PBX3: variants seen among roughly 807,000 people sequenced by gnomAD.
PBX3 encodes PBX homeobox 3.
Under a neutral mutation model 48.5 loss-of-function variants are expected in PBX3, and 14 were observed. That is an observed-to-expected ratio of 0.29 (90% CI 0.19 to 0.45). The LOEUF (loss-of-function observed/expected upper bound fraction) is 0.45. Among genes scored for constraint, PBX3 ranks in the 20% least tolerant of loss-of-function variants. PBX3 has a pLI of 1.00. For missense variants in PBX3, 386 were observed against 546.7 expected (o/e 0.71, Z 2.93); for synonymous variants, 210 against 200.3 (o/e 1.05, Z -0.41).
intron 2 of PBX3, among the ~76,000 whole-genome samples, chr9:125,780,702 C>T (rs1837256942): frequency 8.4e-6 from 1 of 119,602 alleles, no homozygotes; most frequent in African/African-American, 3.3e-5. Context: ...TGACCACCCC[C>T]ACCTCCCTCC....
At chr9:125,747,901 C>T (rs1474992425) in intron 1 of PBX3, among the ~76,000 whole-genome samples, 23 of 151,792 alleles carry the variant, frequency 1.5e-4, no homozygotes, top group Non-Finnish European at 4.4e-5. Flanking sequence ...GGCGTCCTTT[C>T]CCCCGTCCTG....
rs372226178 is a variant in PBX3 at position 125,960,609 on chromosome 9, G to C, written c.844-75G>C. 35 of 1,349,316 alleles carry C rather than the reference G, an allele frequency of 2.6e-5. No homozygotes were observed. The African/African-American group carries it at 4.1e-4, about 16-fold the overall frequency. 83.6% of individuals were successfully genotyped at this position (1,349,316 alleles called of 1,614,324 possible). A position where few individuals can be genotyped will look rare whatever the true frequency, so the allele number is the denominator to read the frequency against. ...GTGTCTCCCAAGGTATTGCCTTGGT[G>C]TCCAGCAGGTATTATTGGAATTTGA... On this transcript the variant is annotated intron_variant, in intron 5 of 8. Coordinates refer to ENST00000373489, the MANE Select transcript of PBX3 (RefSeq NM_006195.6).
In PBX3 at chr9:125,792,038, ACACACACGCACG is replaced by A. The variant is rs1477363397; in HGVS notation, c.274+43419_274+43430del. Among the ~76,000 whole-genome samples the A allele has an allele frequency of 8.5e-3, 989 of 116,508 alleles. 10 individuals are homozygous for A. Among genetic ancestry groups the A allele is most frequent in the African/African-American group, 0.035 (913 of 26,410 alleles). 76.4% of individuals were successfully genotyped at this position (116,508 alleles called of 152,430 possible). On this transcript the variant is annotated intron_variant, in intron 2 of 8. Transcript: ENST00000373489. The stretch of plus-strand genomic sequence containing the variant: ...GTGAGAGAATGGATTAATACTACAC[ACACACACGCACG>A]CACGCACGCACGCACGCACGCACGC...
chr9:125,816,521 A>C (rs1588176519), intron 2 of PBX3, among the ~76,000 whole-genome samples: 1 of 152,190 alleles, frequency 6.6e-6, no homozygotes, highest in East Asian at 1.9e-4. Flanking sequence ...CCTTTGATTT[A>C]GGTGGAATGT....
intron 2 of PBX3, among the ~76,000 whole-genome samples, chr9:125,848,254 C>T (rs1839480723): frequency 2.0e-5 from 3 of 152,006 alleles, no homozygotes; most frequent in Admixed American, 1.3e-4. Context: ...CATCTCTCAC[C>T]TAAAATCACC....
chr9:125,839,038 AT>A lies in PBX3; in HGVS notation c.275-76646del, dbSNP rs1839215930. Among the ~76,000 whole-genome samples, 4 of 152,306 alleles carry A rather than the reference AT, an allele frequency of 2.6e-5. No individual in the cohort carries two copies. The South Asian group carries it at 8.3e-4, about 32-fold the overall frequency. On this transcript the variant is annotated intron_variant, in intron 2 of 8. Transcript: ENST00000373489. ...GGTTCAGAATATGGGATTTGGAGTC[AT>A]TCAGACCTGGATTTGGGCTTCAGTT...
At chr9:125,766,185 T>C (rs916386378) in intron 2 of PBX3, among the ~76,000 whole-genome samples, 1 of 152,108 alleles carries the variant, frequency 6.6e-6, no homozygotes, top group African/African-American at 2.4e-5. Context: ...CATGTATTAT[T>C]AGATATATAT....
chr9:125,840,398 G>T (rs917779567), intron 2 of PBX3, among the ~76,000 whole-genome samples: 3 of 151,734 alleles, frequency 2.0e-5, no homozygotes, highest in Middle Eastern at 3.4e-3. Flanking sequence ...TTTCTTATGG[G>T]CAGTGTGTCA....
intron 2 of PBX3, among the ~76,000 whole-genome samples, chr9:125,828,543 GA>G (rs957383016): frequency 4.6e-5 from 7 of 152,084 alleles, no homozygotes; most frequent in African/African-American, 1.7e-4. Flanking sequence ...TGCAAGATTA[GA>G]AAAACATTTG....
chr9:125,925,641 C>T (rs1165892932), intron 3 of PBX3, among the ~76,000 whole-genome samples: 17 of 152,060 alleles, frequency 1.1e-4, no homozygotes, highest in South Asian at 4.2e-4. Context: ...TTGGTAGAGA[C>T]GGAGTTTCAC....
chr9:125,879,347 C>G (rs573268947), intron 2 of PBX3, among the ~76,000 whole-genome samples: 2 of 152,066 alleles, frequency 1.3e-5, no homozygotes, highest in Non-Finnish European at 2.9e-5. Context: ...TCCCAAAGTT[C>G]TGGGATTACA....
chr9:125,782,224 A>T (rs561057031), intron 2 of PBX3, among the ~76,000 whole-genome samples: 1 of 152,296 alleles, frequency 6.6e-6, no homozygotes, highest in South Asian at 2.1e-4. Flanking sequence ...ATGGCAGCAA[A>T]TAAGAGCTTG....
intron 2 of PBX3, among the ~76,000 whole-genome samples, chr9:125,836,209 G>T (rs1216346050): frequency 6.6e-6 from 1 of 152,182 alleles, no homozygotes; most frequent in Non-Finnish European, 1.5e-5. Flanking sequence ...ACTTTGGGAG[G>T]CCGAGGCAGG....
Position 125,843,643 on chromosome 9 carries a change from A to C in PBX3, c.275-72043A>C, listed in dbSNP as rs184097004. ...TGGTATCCTTGACAACAGTCCCGAAAGAATATTACATTAGGGCACCAGAGA... is the reference window on the plus strand; with the variant it reads ...TGGTATCCTTGACAACAGTCCCGAACGAATATTACATTAGGGCACCAGAGA... On this transcript the variant is annotated intron_variant, in intron 2 of 8. Coordinates refer to ENST00000373489, the MANE Select transcript of PBX3 (RefSeq NM_006195.6). 1.6e-3 allele frequency: 398 copies of C among 256,124 alleles called. 8 individuals carry two copies. Among genetic ancestry groups the C allele is most frequent in the Admixed American group, 0.013 (313 of 23,320 alleles). 15.9% of individuals were successfully genotyped at this position (256,124 alleles called of 1,614,324 possible). A position where few individuals can be genotyped will look rare whatever the true frequency, so the allele number is the denominator to read the frequency against.
intron 2 of PBX3, among the ~76,000 whole-genome samples, chr9:125,825,001 A>G (rs949756857): frequency 6.6e-6 from 1 of 152,162 alleles, no homozygotes; most frequent in African/African-American, 2.4e-5. Context: ...ATAATTGAGA[A>G]TTGCCAGGCA....
intron 2 of PBX3, among the ~76,000 whole-genome samples, chr9:125,823,814 G>A (rs1838729039): frequency 6.6e-6 from 1 of 152,170 alleles, no homozygotes; most frequent in Non-Finnish European, 1.5e-5. Context: ...GGTGGCTCAT[G>A]TCTGTAATCC....
rs529130404 is a variant in PBX3, at chr9:125,837,993, A to G, written c.275-77693A>G. Among the ~76,000 whole-genome samples, 23 of 152,342 alleles carry G rather than the reference A, an allele frequency of 1.5e-4. No homozygotes were observed. The South Asian group carries it at 4.6e-3, about 30-fold the overall frequency. ...CCCTGTTGAAATGGTAGATAGAAACATTTTAATAGCAAAGCCAATGCCATG... is the reference window on the plus strand; with the variant it reads ...CCCTGTTGAAATGGTAGATAGAAACGTTTTAATAGCAAAGCCAATGCCATG... On this transcript the variant is annotated intron_variant, in intron 2 of 8. Transcript: ENST00000373489.
chr9:125,775,474 G>A (rs570691507), intron 2 of PBX3, among the ~76,000 whole-genome samples: 3 of 152,126 alleles, frequency 2.0e-5, no homozygotes, highest in Non-Finnish European at 4.4e-5. Context: ...ATATTCAGTT[G>A]TCCTAGTACC....
intron 2 of PBX3, among the ~76,000 whole-genome samples, chr9:125,908,679 G>A (rs1372624032): frequency 6.6e-6 from 1 of 151,990 alleles, no homozygotes; most frequent in African/African-American, 2.4e-5. Context: ...GACCCATAGG[G>A]ATTAAAGCCA....
Sources: gnomAD v4.1 joint callset for allele counts (sites outside exome capture counted in the v4.1 genomes callset) on GRCh38, gnomAD v4.1.1 for gene constraint, MANE v1.5 for transcripts, NCBI Gene and HGNC (gene_info 2026-07-23, HGNC 2026-07-21) for gene names.